Variants in SLC45A4 observed in about 807,000 individuals in gnomAD.
SLC45A4 encodes the protein solute carrier family 45 member 4.
A neutral mutation model predicts 63.7 loss-of-function variants in SLC45A4; 32 were observed. The ratio of observed to expected loss-of-function variants is 0.50; its 90% CI spans 0.38 to 0.67. The LOEUF (loss-of-function observed/expected upper bound fraction) is 0.67, where lower values mean the gene tolerates loss of function less well. SLC45A4 is among the 30% of genes least tolerant of loss of function. SLC45A4 has a pLI of 0.00. For missense variants in SLC45A4, 1,027 were observed against 1,157.7 expected (o/e 0.89, Z 1.64); for synonymous variants, 535 against 510.0 (o/e 1.05, Z -0.66).
rs984744922 is a variant in SLC45A4, at chr8:141,227,379, G to T, written c.242-5614C>A. 6.6e-6 allele frequency among the ~76,000 whole-genome samples: 1 copy of T among 152,182 alleles called. No individual in the cohort carries two copies. Among genetic ancestry groups the T allele is most frequent in the Admixed American group, 6.5e-5 (1 of 15,282 alleles). On this transcript the variant is annotated intron_variant, in intron 2 of 8. Transcript: ENST00000517878. This position sits in a 1 kb window ranked among gnomAD's most constrained non-coding sequence, Gnocchi z 4.4. ...CCTATAAATGTTTAACAAAAGATCC[G>T]CAATGGGAACAGGAACTTGCATTCT...
chr8:141,220,719 G>A (rs551623770), intron 3 of SLC45A4, among the ~76,000 whole-genome samples: 5 of 152,334 alleles, frequency 3.3e-5, no homozygotes, highest in East Asian at 1.9e-4. Context: ...GGCAGGCGAC[G>A]GCTCCGAGGC....
At chr8:141,245,690 C>T (rs909865791) in intron 2 of SLC45A4, among the ~76,000 whole-genome samples, 6 of 152,194 alleles carry the variant, frequency 3.9e-5, no homozygotes, top group Admixed American at 2.0e-4. Context: ...AGACCCTCAG[C>T]GTGTCCCAAC....
chr8:141,243,923 T>G (rs765006588), intron 2 of SLC45A4, among the ~76,000 whole-genome samples: 45 of 152,348 alleles, frequency 3.0e-4, no homozygotes, highest in Non-Finnish European at 3.4e-4. Context: ...AGAAGGTATG[T>G]GTCAACTGAC....
chr8:141,212,066 C>T, intron 8 of SLC45A4, 131 bp downstream of exon 8: 2 of 1,405,624 alleles, frequency 1.4e-6, no homozygotes, highest in Non-Finnish European at 9.2e-7. Flanking sequence ...CTCTGGCCCG[C>T]ACTGCCGGGT....
At chr8:141,232,561 A>G (rs1827414976) in intron 2 of SLC45A4, among the ~76,000 whole-genome samples, 1 of 152,130 alleles carries the variant, frequency 6.6e-6, no homozygotes, top group Non-Finnish European at 1.5e-5. Flanking sequence ...ACGTGAACAC[A>G]CACACTCAAC....
chr8:141,268,796 T>C (rs969040075), intron 1 of SLC45A4, among the ~76,000 whole-genome samples: 8 of 152,278 alleles, frequency 5.3e-5, no homozygotes, highest in Admixed American at 3.9e-4. Context: ...GCCACCTGCT[T>C]ACACCTGAAC....
intron 2 of SLC45A4, among the ~76,000 whole-genome samples, chr8:141,238,668 C>A (rs1320999913): frequency 1.3e-5 from 2 of 152,220 alleles, no homozygotes; most frequent in Non-Finnish European, 2.9e-5. Flanking sequence ...TCTCCAGCCT[C>A]TTCCAGCATC....
chr8:141,231,139 C>T (rs3824233), intron 2 of SLC45A4, among the ~76,000 whole-genome samples: 42,890 of 152,130 alleles, frequency 0.28, 7,156 homozygotes, highest in Non-Finnish European at 0.38. Flanking sequence ...AAGGTCACCC[C>T]GGAAGAGAAA....
In SLC45A4 at chr8:141,212,205, C is replaced by CT. The variant is rs1287090414; in HGVS notation, c.2292dup (p.Glu765ArgfsTer9). Reference sequence around the variant, plus strand: ...GGGAGTGCGGCTCAGACCACGGACTCTGTCTCCACCGGTCCCTGCAGGCCC... The same window carrying CT: ...GGGAGTGCGGCTCAGACCACGGACTCTTGTCTCCACCGGTCCCTGCAGGCCC... On this transcript the variant is annotated frameshift_variant, in exon 8 of 9. Coordinates refer to ENST00000517878, the MANE Select transcript of SLC45A4 (RefSeq NM_001286646.2). LOFTEE classifies it low-confidence loss of function (END_TRUNC). 6.6e-7 allele frequency: 1 copy of CT among 1,507,724 alleles called. No individual in the cohort carries two copies. Among genetic ancestry groups the CT allele is most frequent in the South Asian group, 1.3e-5 (1 of 75,864 alleles). 93.4% of individuals were successfully genotyped at this position (1,507,724 alleles called of 1,614,324 possible).
chr8:141,222,220 C>A (rs979129077), intron 2 of SLC45A4, among the ~76,000 whole-genome samples: 3 of 152,242 alleles, frequency 2.0e-5, no homozygotes, highest in Non-Finnish European at 4.4e-5. Flanking sequence ...AAGAGCAGGA[C>A]GGTGACTGCA....
At chr8:141,260,803 G>A (rs1829013246) in intron 1 of SLC45A4, among the ~76,000 whole-genome samples, 1 of 152,158 alleles carries the variant, frequency 6.6e-6, no homozygotes, top group Non-Finnish European at 1.5e-5. Context: ...GGTACAAGGA[G>A]GAGCTGGTAC....
Position 141,211,383 on chromosome 8 carries a change from G to T in SLC45A4, c.*189C>A, listed in dbSNP as rs182827946. On this transcript the variant is annotated 3_prime_UTR_variant, in exon 9 of 9. Transcript: ENST00000517878. ...GGAGCTCGTCTGGAGCTCACGCTCC[G>T]CCCCCAGGTGGTGCCCAGCCCATCC... 2 of 1,501,558 alleles carry T rather than the reference G, an allele frequency of 1.3e-6. No individual in the cohort carries two copies. The highest frequency in any genetic ancestry group is 4.6e-5 in the Admixed American group (2 of 43,180). The allele number at this position is 1,501,558 out of a possible 1,614,324, so 93.0% of individuals were successfully genotyped here. A position where few individuals can be genotyped will look rare whatever the true frequency, so the allele number is the denominator to read the frequency against.
rs555572097 is a variant in SLC45A4, at chr8:141,303,311, T to G, written c.-401+4785A>C. ...CGTGCCCGGCTAATTTTTGTTTTTTTTTTTTTTTTGGACAGGTGGGGTTTT... is the reference window on the plus strand; with the variant it reads ...CGTGCCCGGCTAATTTTTGTTTTTTGTTTTTTTTTGGACAGGTGGGGTTTT... On this transcript the variant is annotated intron_variant, in intron 1 of 8. Transcript: ENST00000517878. Among the ~76,000 whole-genome samples the G allele has an allele frequency of 1.8e-4, 27 of 150,950 alleles. 1 individual carries two copies. Among genetic ancestry groups the G allele is most frequent in the Admixed American group, 3.9e-4 (6 of 15,208 alleles).
At chr8:141,255,275 A>G (rs746354527) in intron 1 of SLC45A4, among the ~76,000 whole-genome samples, 1 of 151,998 alleles carries the variant, frequency 6.6e-6, no homozygotes, top group Non-Finnish European at 1.5e-5. Flanking sequence ...TAGGGTCCCC[A>G]TTACATTGAC....
chr8:141,286,530 T>C (rs1295704375), intron 1 of SLC45A4, among the ~76,000 whole-genome samples: 2 of 152,220 alleles, frequency 1.3e-5, no homozygotes, highest in Non-Finnish European at 2.9e-5. Context: ...GAGGAATTTA[T>C]ACTTCACAAG....
chr8:141,228,240 C>T, intron 2 of SLC45A4: 3 of 1,613,906 alleles, frequency 1.9e-6, no homozygotes, highest in Non-Finnish European at 2.5e-6. Flanking sequence ...GACGGGACAG[C>T]CCTGAGGCTG....
intron 1 of SLC45A4, among the ~76,000 whole-genome samples, chr8:141,295,967 C>T (rs1355800374): frequency 6.6e-6 from 1 of 152,182 alleles, no homozygotes; most frequent in East Asian, 1.9e-4. Context: ...GACAAGACCA[C>T]CATCCAAGCC....
chr8:141,263,108 G>C (rs531653564), intron 1 of SLC45A4, among the ~76,000 whole-genome samples: 1 of 150,412 alleles, frequency 6.6e-6, no homozygotes, highest in African/African-American at 2.5e-5. Flanking sequence ...GTAAACTATC[G>C]CAAGGACAAA....
At chr8:141,249,678 G>C (rs1313190081) in intron 2 of SLC45A4, among the ~76,000 whole-genome samples, 1 of 152,180 alleles carries the variant, frequency 6.6e-6, no homozygotes, top group Non-Finnish European at 1.5e-5. Flanking sequence ...CGGAGTGAAG[G>C]TAACAGTATT....
Sources: gnomAD v4.1 joint callset for allele counts (sites outside exome capture counted in the v4.1 genomes callset) on GRCh38, gnomAD v4.1.1 for gene constraint, Gnocchi (gnomAD v3.1) non-coding constraint, MANE v1.5 for transcripts, NCBI Gene and HGNC (gene_info 2026-07-23, HGNC 2026-07-21) for gene names.